The following NRIP1 variants were observed in gnomAD, a reference collection of about 807,000 sequenced individuals.
NRIP1 encodes nuclear receptor-interacting protein 1.
NRIP1 carries 28 observed loss-of-function variants against 75.0 expected under a neutral mutation model. The observed-to-expected ratio is 0.37, with a 90% CI of 0.28 to 0.51. The LOEUF (loss-of-function observed/expected upper bound fraction) is 0.51. Among genes scored for constraint, NRIP1 ranks in the 20% least tolerant of loss-of-function variants. NRIP1 has a pLI of 0.92. For synonymous variants in NRIP1, 526 were observed against 487.6 expected, an observed-to-expected ratio of 1.08 and a Z score of -1.04; for missense variants, 1,435 against 1,343.7, an observed-to-expected ratio of 1.07 and a Z score of -1.06.
intron 3 of NRIP1, among the ~76,000 whole-genome samples, chr21:14,977,935 G>C (rs748141124): frequency 3.9e-5 from 6 of 152,164 alleles, no homozygotes; most frequent in Admixed American, 6.5e-5. Context: ...TCTCATTTTA[G>C]GTGCAGATAC....
chr21:15,050,758 G>A, intron 1 of NRIP1: 2 of 455,988 alleles, frequency 4.4e-6, no homozygotes, highest in Non-Finnish European at 8.8e-6. Flanking sequence ...CCCCTCTAGG[G>A]GCCAGCCAAC....
In NRIP1 at chr21:14,974,107, A is replaced by G. The variant is rs536980232; in HGVS notation, c.-334-5581T>C. ...AGTTAATTCATGAATAATTTACACAATAAGAATAAAGAAATGACACAAAAC... is the reference window on the plus strand; with the variant it reads ...AGTTAATTCATGAATAATTTACACAGTAAGAATAAAGAAATGACACAAAAC... On this transcript the variant is annotated intron_variant, in intron 3 of 3. Transcript: ENST00000318948. The G allele has an allele frequency of 1.1e-4, 17 of 152,284 alleles. No homozygotes were observed. In the East Asian group the frequency reaches 2.1e-3, roughly 19 times the overall value. 9.4% of individuals were successfully genotyped at this position (152,284 alleles called of 1,614,324 possible).
intron 3 of NRIP1, among the ~76,000 whole-genome samples, chr21:14,985,205 G>T (rs575557678): frequency 1.3e-5 from 2 of 152,326 alleles, no homozygotes; most frequent in South Asian, 4.1e-4. Context: ...AGAACATGCT[G>T]TAAACAGCAA....
intron 2 of NRIP1, among the ~76,000 whole-genome samples, chr21:15,039,187 T>A (rs2088897676): frequency 6.6e-6 from 1 of 152,108 alleles, no homozygotes; most frequent in African/African-American, 2.4e-5. Context: ...TGATTTTCTT[T>A]TCTTACTACC....
intron 2 of NRIP1, among the ~76,000 whole-genome samples, chr21:15,017,093 T>C (rs1033130698): frequency 1.3e-5 from 2 of 152,136 alleles, no homozygotes; most frequent in African/African-American, 4.8e-5. Context: ...TGTGAACTTG[T>C]GGGCTAAATC....
chr21:15,019,470 CTTTTTTTTTTTTTT>C (rs539278321), intron 2 of NRIP1, among the ~76,000 whole-genome samples: 76 of 38,686 alleles, frequency 2.0e-3, no homozygotes, highest in South Asian at 3.2e-3. Context: ...AACTGCATTT[CTTTTTTTTTTTTTT>C]TTTTTTTTTT....
rs1313820238 is a variant in NRIP1, at chr21:15,064,945, T to TCGCCGCCGCCTCCTC, written c.-753_-739dup. 8.7e-3 allele frequency: 1,311 copies of TCGCCGCCGCCTCCTC among 149,906 alleles called. 17 individuals carry two copies. Among genetic ancestry groups the TCGCCGCCGCCTCCTC allele is most frequent in the African/African-American group, 0.03 (1,238 of 40,960 alleles). The allele number at this position is 149,906 out of a possible 1,614,324, so 9.3% of individuals were successfully genotyped here. A position where few individuals can be genotyped will look rare whatever the true frequency, so the allele number is the denominator to read the frequency against. On this transcript the variant is annotated 5_prime_UTR_variant, in exon 1 of 4. Transcript: ENST00000318948. The stretch of plus-strand genomic sequence containing the variant: ...CGTGGGGCCGGGTCGTCCCTGCGCC[T>TCGCCGCCGCCTCCTC]CGCCGCCGCCTCCTCCGCCGCCGCC...
intron 3 of NRIP1, among the ~76,000 whole-genome samples, chr21:15,008,724 A>C (rs967419603): frequency 1.3e-5 from 2 of 152,240 alleles, no homozygotes; most frequent in Non-Finnish European, 2.9e-5. Context: ...CAATTAGACA[A>C]GTGAATTGCC....
intron 2 of NRIP1, among the ~76,000 whole-genome samples, chr21:15,020,847 T>C (rs1244797604): frequency 6.6e-6 from 1 of 150,884 alleles, no homozygotes; most frequent in East Asian, 1.9e-4. Context: ...CACAATGAGA[T>C]CACATTACAC....
intron 2 of NRIP1, among the ~76,000 whole-genome samples, chr21:15,038,335 G>A (rs554859653): frequency 1.3e-5 from 2 of 152,066 alleles, no homozygotes; most frequent in East Asian, 1.9e-4. Context: ...GATACCACCT[G>A]TATAAAATGA....
At chr21:15,023,291 G>C (rs2088424789) in intron 2 of NRIP1, among the ~76,000 whole-genome samples, 1 of 152,008 alleles carries the variant, frequency 6.6e-6, no homozygotes, top group Non-Finnish European at 1.5e-5. Context: ...GTAATTTCAG[G>C]GTAAAAACCT....
At chr21:15,016,357 G>C (rs2088228172) in intron 2 of NRIP1, among the ~76,000 whole-genome samples, 1 of 152,098 alleles carries the variant, frequency 6.6e-6, no homozygotes, top group African/African-American at 2.4e-5. Context: ...GTAATTACAT[G>C]AGTACTCCTA....
chr21:14,975,603 G>T (rs550389759), intron 3 of NRIP1, among the ~76,000 whole-genome samples: 10 of 123,328 alleles, frequency 8.1e-5, no homozygotes, highest in African/African-American at 2.5e-4. Flanking sequence ...TAGCCTGCGT[G>T]ACAGAATAAG....
rs771940280 is a variant in NRIP1, at chr21:14,968,242, T to C, written c.-50A>G. ...CTTGGTTTCTATTCACTTTAAAGAA[T>C]GGTTTTCTGTGGTGAGTGCGATGTA... On this transcript the variant is annotated 5_prime_UTR_variant, in exon 4 of 4. Coordinates refer to ENST00000318948, the MANE Select transcript of NRIP1 (RefSeq NM_003489.4). 1 of 1,273,230 alleles carries C rather than the reference T, an allele frequency of 7.9e-7. No homozygotes were observed. Among genetic ancestry groups the C allele is most frequent in the East Asian group, 2.3e-5 (1 of 42,994 alleles). 78.9% of individuals were successfully genotyped at this position (1,273,230 alleles called of 1,614,324 possible).
At chr21:14,981,852 A>ATTTT (rs61171563) in intron 3 of NRIP1, among the ~76,000 whole-genome samples, 4 of 131,444 alleles carry the variant, frequency 3.0e-5, no homozygotes, top group East Asian at 4.4e-4. Flanking sequence ...AGTTCATTTG[A>ATTTT]TTTTTTTTTT....
chr21:15,053,692 T>C (rs1254689789), intron 1 of NRIP1, among the ~76,000 whole-genome samples: 1 of 152,234 alleles, frequency 6.6e-6, no homozygotes, highest in Non-Finnish European at 1.5e-5. Flanking sequence ...ATAGTAAATG[T>C]GCTCATTTTT....
chr21:15,049,538 A>C, intron 1 of NRIP1, among the ~76,000 whole-genome samples: 1 of 152,150 alleles, frequency 6.6e-6, no homozygotes, highest in East Asian at 1.9e-4. Context: ...TGGAGAAAAG[A>C]GAAGGAACTC....
At chr21:15,062,560 A>G (rs569162437) in intron 1 of NRIP1, among the ~76,000 whole-genome samples, 69 of 152,360 alleles carry the variant, frequency 4.5e-4, no homozygotes, top group African/African-American at 1.5e-3. Flanking sequence ...ACTCAACTTG[A>G]TATGTCATAA....
At chr21:15,022,936 T>G (rs1053481184) in intron 2 of NRIP1, among the ~76,000 whole-genome samples, 1 of 152,206 alleles carries the variant, frequency 6.6e-6, no homozygotes, top group Non-Finnish European at 1.5e-5. Flanking sequence ...TACAACATAG[T>G]CAAACTTTAT....
Sources: gnomAD v4.1 joint callset for allele counts (sites outside exome capture counted in the v4.1 genomes callset) on GRCh38, gnomAD v4.1.1 for gene constraint, MANE v1.5 for transcripts, NCBI Gene and HGNC (gene_info 2026-07-23, HGNC 2026-07-21) for gene names.